Variants in ZCCHC7 observed in about 807,000 individuals in gnomAD.
ZCCHC7 encodes the protein zinc finger CCHC-type containing 7.
A neutral mutation model predicts 52.0 loss-of-function variants in ZCCHC7; 35 were observed. The observed-to-expected ratio is 0.67, with a 90% confidence interval of 0.51 to 0.89. The LOEUF (loss-of-function observed/expected upper bound fraction) is 0.89, where lower values mean the gene tolerates loss of function less well. ZCCHC7 is among the 40% of genes least tolerant of loss of function. The pLI is 0.00. For synonymous variants in ZCCHC7, 217 were observed against 221.5 expected (o/e 0.98, Z 0.18); for missense variants, 574 against 649.1 (o/e 0.88, Z 1.26).
chr9:37,352,246 G>A (rs1406803254), intron 7 of ZCCHC7, among the ~76,000 whole-genome samples: 5 of 152,164 alleles, frequency 3.3e-5, no homozygotes, highest in African/African-American at 9.7e-5. Flanking sequence ...CCCTTTCAAT[G>A]TCAGAAATCC....
chr9:37,310,959 T>TTAA (rs1491195786), intron 5 of ZCCHC7, among the ~76,000 whole-genome samples: 7 of 115,046 alleles, frequency 6.1e-5, no homozygotes, highest in Admixed American at 5.5e-4. Flanking sequence ...TCTCTCTTTT[T>TTAA]AAAAAAAAAA....
chr9:37,302,760 G>A (rs902550655), intron 3 of ZCCHC7, among the ~76,000 whole-genome samples: 14 of 152,144 alleles, frequency 9.2e-5, no homozygotes, highest in Admixed American at 6.5e-4. Context: ...AAGCATGGTT[G>A]GGATTTACAG....
chr9:37,319,437 T>G (rs1440030068), intron 5 of ZCCHC7, among the ~76,000 whole-genome samples: 3 of 152,156 alleles, frequency 2.0e-5, no homozygotes, highest in African/African-American at 7.2e-5. Flanking sequence ...TTTTTTGTTT[T>G]TGTTTTTTGA....
chr9:37,292,804 A>G (rs1564232498), intron 2 of ZCCHC7, among the ~76,000 whole-genome samples: 3 of 152,214 alleles, frequency 2.0e-5, no homozygotes. Context: ...ATAAAAATTA[A>G]TAGTAAAATA....
chr9:37,256,085 A>G (rs949288448), intron 2 of ZCCHC7, among the ~76,000 whole-genome samples: 1 of 152,150 alleles, frequency 6.6e-6, no homozygotes. Context: ...AAATTAGGAT[A>G]AAATGCCATT....
chr9:37,122,351 A>G (rs1307522865), intron 1 of ZCCHC7, among the ~76,000 whole-genome samples: 1 of 152,218 alleles, frequency 6.6e-6, no homozygotes, highest in African/African-American at 2.4e-5. Context: ...TTGTTAAGGT[A>G]TTTTAATTCT....
chr9:37,296,447 A>G (rs1050714546), intron 2 of ZCCHC7, among the ~76,000 whole-genome samples: 16 of 151,982 alleles, frequency 1.1e-4, no homozygotes, highest in African/African-American at 3.1e-4. Context: ...ACATTTCACT[A>G]TGTTTTAGAG....
intron 2 of ZCCHC7, among the ~76,000 whole-genome samples, chr9:37,199,670 TTCTCTC>T (rs35683721): frequency 1.3e-5 from 2 of 149,076 alleles, no homozygotes; most frequent in Non-Finnish European, 1.5e-5. Flanking sequence ...CTGTCTGTCT[TTCTCTC>T]TGTCTGTCTG....
At chr9:37,337,177 A>T (rs1830709548) in intron 6 of ZCCHC7, among the ~76,000 whole-genome samples, 1 of 152,268 alleles carries the variant, frequency 6.6e-6, no homozygotes, top group South Asian at 2.1e-4. Context: ...TAAACATAAA[A>T]TGTGGCAAAT....
intron 6 of ZCCHC7, among the ~76,000 whole-genome samples, chr9:37,337,124 C>T (rs1177785455): frequency 6.6e-6 from 1 of 152,042 alleles, no homozygotes; most frequent in Non-Finnish European, 1.5e-5. Flanking sequence ...TTCTTTATTT[C>T]CCCTAAAAGT....
chr9:37,266,818 G>A (rs527476138), intron 2 of ZCCHC7, among the ~76,000 whole-genome samples: 1 of 152,132 alleles, frequency 6.6e-6, no homozygotes, highest in East Asian at 1.9e-4. Context: ...AGGCTGTAGT[G>A]AGCAATGATT....
Position 37,313,083 on chromosome 9 carries a change from T to C in ZCCHC7, c.951+7369T>C, listed in dbSNP as rs1427672931. 2.0e-5 allele frequency among the ~76,000 whole-genome samples: 3 copies of C among 152,220 alleles called. No homozygotes were observed. The East Asian group carries it at 5.8e-4, about 29-fold the overall frequency. ...CTTTCAGATAAATATGTAGTTCTGC[T>C]GACAGTGTGCATTACACCTACCTTT... On this transcript the variant is annotated intron_variant, in intron 5 of 8. Transcript: ENST00000336755.
intron 2 of ZCCHC7, among the ~76,000 whole-genome samples, chr9:37,183,516 C>T (rs1184785966): frequency 6.6e-6 from 1 of 152,196 alleles, no homozygotes; most frequent in Non-Finnish European, 1.5e-5. Flanking sequence ...TTCTTAGCAA[C>T]TTGTTTTCAC....
intron 2 of ZCCHC7, among the ~76,000 whole-genome samples, chr9:37,193,436 A>T (rs1296481913): frequency 6.6e-6 from 1 of 152,186 alleles, no homozygotes; most frequent in Non-Finnish European, 1.5e-5. Context: ...CCAAAGAAAG[A>T]TGTTCAGAAA....
At chr9:37,157,616 A>T (rs532272912) in intron 2 of ZCCHC7, among the ~76,000 whole-genome samples, 2 of 152,364 alleles carry the variant, frequency 1.3e-5, no homozygotes, top group East Asian at 3.9e-4. Flanking sequence ...AAGTAACCCA[A>T]TTAAAAAATG....
intron 1 of ZCCHC7, among the ~76,000 whole-genome samples, chr9:37,123,944 C>T (rs933137760): frequency 1.3e-5 from 2 of 151,994 alleles, no homozygotes; most frequent in South Asian, 2.1e-4. Flanking sequence ...TATATGATAC[C>T]CTTTAGAAGA....
chr9:37,137,717 C>T (rs1843058307), intron 2 of ZCCHC7, among the ~76,000 whole-genome samples: 1 of 152,160 alleles, frequency 6.6e-6, no homozygotes, highest in Admixed American at 6.5e-5. Context: ...TAAGGTACAA[C>T]TTTCACTCCT....
chr9:37,346,751 G>C (rs1820999478), intron 6 of ZCCHC7, among the ~76,000 whole-genome samples: 1 of 152,138 alleles, frequency 6.6e-6, no homozygotes, highest in South Asian at 2.1e-4. Flanking sequence ...CAAGGTGAAA[G>C]GATCACTTGA....
At chr9:37,236,348 T>C (rs962358379) in intron 2 of ZCCHC7, among the ~76,000 whole-genome samples, 1 of 152,098 alleles carries the variant, frequency 6.6e-6, no homozygotes, top group Admixed American at 6.5e-5. Context: ...TTTTAAAATA[T>C]ATTTTAACCA....
Sources: allele counts gnomAD v4.1 joint callset (sites outside exome capture counted in the v4.1 genomes callset), GRCh38; gene constraint gnomAD v4.1.1; transcripts MANE v1.5; gene names NCBI Gene and HGNC (gene_info 2026-07-23, HGNC 2026-07-21).